DIS3L2: variants seen among roughly 807,000 people sequenced by gnomAD.
The protein encoded by DIS3L2 is DIS3 like 3'-5' exoribonuclease 2.
Under a neutral mutation model 97.5 loss-of-function variants are expected in DIS3L2, and 34 were observed. The ratio of observed to expected loss-of-function variants is 0.35; its 90% CI spans 0.27 to 0.46. The LOEUF (loss-of-function observed/expected upper bound fraction) is 0.46. Among genes scored for constraint, DIS3L2 ranks in the 20% least tolerant of loss-of-function variants. The pLI is 1.00. For synonymous variants in DIS3L2, 435 were observed against 445.2 expected (o/e 0.98, Z 0.29); for missense variants, 1,038 against 1,146.0 (o/e 0.91, Z 1.36).
chr2:232,164,884 A>G (rs1690759570), intron 9 of DIS3L2, among the ~76,000 whole-genome samples: 2 of 152,170 alleles, frequency 1.3e-5, no homozygotes. Context: ...GTTTTCTCAT[A>G]TACAAATTGA....
At chr2:232,233,857 G>T (rs1156730921) in intron 10 of DIS3L2, among the ~76,000 whole-genome samples, 1 of 152,226 alleles carries the variant, frequency 6.6e-6, no homozygotes, top group African/African-American at 2.4e-5. Flanking sequence ...AATAGAACTG[G>T]AGTTAATGGC....
intron 3 of DIS3L2, among the ~76,000 whole-genome samples, chr2:232,018,254 TACTC>T (rs1178704978): frequency 5.4e-5 from 8 of 148,138 alleles, no homozygotes; most frequent in Non-Finnish European, 1.2e-4. Context: ...TCGTTGCTGA[TACTC>T]AAACAAAACA....
chr2:232,101,051 C>T (rs1172092184), intron 6 of DIS3L2, among the ~76,000 whole-genome samples: 2 of 151,850 alleles, frequency 1.3e-5, no homozygotes, highest in Non-Finnish European at 2.9e-5. Flanking sequence ...GCCTGGACAA[C>T]GTGGTGAAAC....
rs1694661611 is a variant in DIS3L2, at chr2:232,293,908, C to T, written c.1660-6132C>T. ...ACATAGCCAAGGGAGTAGGAAGATACATTGTGTGTCAGTGTCCTTAGGAGA... is the reference window on the plus strand; with the variant it reads ...ACATAGCCAAGGGAGTAGGAAGATATATTGTGTGTCAGTGTCCTTAGGAGA... On this transcript the variant is annotated intron_variant, in intron 13 of 20. Transcript: ENST00000325385. This position sits in a 1 kb window ranked among gnomAD's most constrained non-coding sequence, Gnocchi z 4.6. Among the ~76,000 whole-genome samples the T allele has an allele frequency of 6.6e-6, 1 of 152,206 alleles. No homozygotes were observed.
In DIS3L2 at chr2:232,336,944, A is replaced by C. The variant is rs187723884; in HGVS notation, c.*314A>C. 4.2e-6 allele frequency: 5 copies of C among 1,192,986 alleles called. No individual in the cohort carries two copies. The highest frequency in any genetic ancestry group is 5.2e-6 in the Non-Finnish European group (5 of 955,778). The allele number at this position is 1,192,986 out of a possible 1,614,324, so 73.9% of individuals were successfully genotyped here. A position where few individuals can be genotyped will look rare whatever the true frequency, so the allele number is the denominator to read the frequency against. On this transcript the variant is annotated 3_prime_UTR_variant, in exon 21 of 21. Coordinates refer to ENST00000325385, the MANE Select transcript of DIS3L2 (RefSeq NM_152383.5). ...GGAAATGGGGGGGTTTCAGCAACTC[A>C]GTGTCACAGAATAAAATCAAGTGTG... is the stretch of plus-strand genomic sequence containing the variant.
intron 11 of DIS3L2, among the ~76,000 whole-genome samples, chr2:232,243,958 T>A (rs1693175960): frequency 6.6e-6 from 1 of 152,218 alleles, no homozygotes; most frequent in South Asian, 2.1e-4. Flanking sequence ...GTCCATTTAC[T>A]AAATTCAGCT....
intron 1 of DIS3L2, among the ~76,000 whole-genome samples, chr2:232,003,452 C>G (rs922497191): frequency 6.6e-6 from 1 of 152,142 alleles, no homozygotes; most frequent in Non-Finnish European, 1.5e-5. Context: ...AGTTTGACTG[C>G]ATATAGAATT....
chr2:232,260,005 T>C (rs921094254), intron 12 of DIS3L2: 4 of 152,108 alleles, frequency 2.6e-5, no homozygotes, highest in Admixed American at 6.5e-5. Context: ...CAGGGTGCAG[T>C]GGTTGCCCTG....
intron 5 of DIS3L2, among the ~76,000 whole-genome samples, chr2:232,074,873 A>T (rs914174727): frequency 3.9e-5 from 6 of 152,092 alleles, no homozygotes; most frequent in Non-Finnish European, 8.8e-5. Flanking sequence ...TTGAGCCACC[A>T]CACCTGGCCG....
chr2:232,243,664 C>T (rs947434162), intron 11 of DIS3L2, among the ~76,000 whole-genome samples: 1 of 152,208 alleles, frequency 6.6e-6, no homozygotes, highest in Non-Finnish European at 1.5e-5. Flanking sequence ...TCTGAACAAG[C>T]AGCATTTCAG....
intron 16 of DIS3L2, 74 bp downstream of exon 16, chr2:232,330,850 A>G (rs1001678403): frequency 1.2e-4 from 169 of 1,419,354 alleles, no homozygotes; most frequent in Non-Finnish European, 1.5e-4. Flanking sequence ...CTCCACGTGC[A>G]AGCACAGGCC....
intron 6 of DIS3L2, among the ~76,000 whole-genome samples, chr2:232,100,143 C>T (rs1018166320): frequency 5.9e-5 from 9 of 151,750 alleles, no homozygotes; most frequent in Non-Finnish European, 1.2e-4. Flanking sequence ...CCTGCCTCAG[C>T]CTCCTGACTA....
chr2:232,275,488 A>G (rs898006562), intron 13 of DIS3L2, among the ~76,000 whole-genome samples: 4 of 152,098 alleles, frequency 2.6e-5, no homozygotes, highest in Admixed American at 6.5e-5. Flanking sequence ...TGCCCATTGT[A>G]TTGTCTACAA....
intron 5 of DIS3L2, among the ~76,000 whole-genome samples, chr2:232,086,652 T>TATATACAC: frequency 2.0e-5 from 1 of 49,650 alleles, no homozygotes; most frequent in Non-Finnish European, 3.7e-5. Flanking sequence ...TATGTATATA[T>TATATACAC]ATATATATGT....
Position 232,070,835 on chromosome 2 carries a change from G to A in DIS3L2, c.367-16652G>A, listed in dbSNP as rs181151565. 5.9e-4 allele frequency among the ~76,000 whole-genome samples: 90 copies of A among 152,106 alleles called. 1 individual carries two copies. The East Asian group carries it at 9.1e-3, about 15-fold the overall frequency. On this transcript the variant is annotated intron_variant, in intron 5 of 20. Transcript: ENST00000325385. ...CTTGACCTTGTGATCTGCCCCCCTC[G>A]GCCTCCCAAAGTGTGGAATTACAGG...
chr2:232,168,733 G>T (rs1347496583), intron 9 of DIS3L2, among the ~76,000 whole-genome samples: 3 of 152,144 alleles, frequency 2.0e-5, no homozygotes, highest in Non-Finnish European at 4.4e-5. Context: ...ATGTAGTTAT[G>T]TAGTGTCAGT....
At chr2:232,304,872 C>G (rs1440975283) in intron 14 of DIS3L2, among the ~76,000 whole-genome samples, 1 of 152,002 alleles carries the variant, frequency 6.6e-6, no homozygotes, top group East Asian at 1.9e-4. Context: ...ATCTTTGATT[C>G]TCTTTGGTTC....
chr2:232,181,795 C>T (rs909552536), intron 9 of DIS3L2, among the ~76,000 whole-genome samples: 2 of 150,862 alleles, frequency 1.3e-5, no homozygotes, highest in African/African-American at 4.9e-5. Flanking sequence ...CATCATCACA[C>T]CCAGCTAATT....
At chr2:232,239,858 G>C (rs1179393737) in intron 11 of DIS3L2, among the ~76,000 whole-genome samples, 2 of 152,244 alleles carry the variant, frequency 1.3e-5, no homozygotes, top group Non-Finnish European at 2.9e-5. Context: ...TTCCTCTCAT[G>C]TTTTCAACTT....
Sources: allele counts gnomAD v4.1 joint callset (sites outside exome capture counted in the v4.1 genomes callset), GRCh38; gene constraint gnomAD v4.1.1; non-coding constraint Gnocchi (gnomAD v3.1); transcripts MANE v1.5; gene names NCBI Gene and HGNC (gene_info 2026-07-23, HGNC 2026-07-21).